Variants in ARHGAP24 observed in about 807,000 individuals in gnomAD.
ARHGAP24 encodes the protein Rho GTPase activating protein 24.
In ARHGAP24, 50 loss-of-function variants were observed where a neutral mutation model predicts 76.4. That is an observed-to-expected ratio of 0.65 (90% CI 0.52 to 0.83). The LOEUF (loss-of-function observed/expected upper bound fraction) is 0.83. Ranked by LOEUF, ARHGAP24 falls within the 40% of genes least tolerant of loss-of-function variation. ARHGAP24 has a pLI of 0.00. For missense variants in ARHGAP24, 930 were observed against 914.2 expected (o/e 1.02, Z -0.22); for synonymous variants, 345 against 323.3 (o/e 1.07, Z -0.72).
At position 85,587,443 on chromosome 4, in the gene ARHGAP24, A is replaced by G. The variant is rs545007800; in HGVS notation, c.180+16722A>G. Reference sequence around the variant, plus strand: ...CTTTTAAAAGAAAAAAGCATCATCTAGCAGATCACATGAATGTTGATTTTA... The same window carrying G: ...CTTTTAAAAGAAAAAAGCATCATCTGGCAGATCACATGAATGTTGATTTTA... On this transcript the variant is annotated intron_variant, in intron 2 of 9. Transcript: ENST00000395184. Among the ~76,000 whole-genome samples, 65 of 152,324 alleles carry G rather than the reference A, an allele frequency of 4.3e-4. 1 individual carries two copies. The South Asian group carries it at 0.012, about 28-fold the overall frequency.
At chr4:85,672,093 G>C (rs1336465920) in intron 2 of ARHGAP24, among the ~76,000 whole-genome samples, 1 of 152,144 alleles carries the variant, frequency 6.6e-6, no homozygotes, top group African/African-American at 2.4e-5. Context: ...TGCACACCAG[G>C]AGTCATTCTG....
In ARHGAP24 at chr4:85,509,565, T is replaced by C. The variant is rs1724197727; in HGVS notation, c.-21+34006T>C. On this transcript the variant is annotated intron_variant, in intron 1 of 9. Transcript: ENST00000395184. ...CACAGAAAGTTGAAATGATACCTAA[T>C]GAACCATTTGTCTCTAAGAACTCTT... is the stretch of plus-strand genomic sequence containing the variant. Among the ~76,000 whole-genome samples the C allele has an allele frequency of 2.6e-5, 4 of 152,172 alleles. No homozygotes were observed. In the South Asian group the frequency reaches 8.3e-4, roughly 31 times the overall value.
intron 3 of ARHGAP24, among the ~76,000 whole-genome samples, chr4:85,877,505 GT>G (rs1236376411): frequency 2.0e-5 from 2 of 99,298 alleles, no homozygotes; most frequent in African/African-American, 3.7e-5. Flanking sequence ...CACACTTGTA[GT>G]CCCAGCTACT....
At chr4:85,686,959 C>T (rs1470282237) in intron 2 of ARHGAP24, among the ~76,000 whole-genome samples, 1 of 151,898 alleles carries the variant, frequency 6.6e-6, no homozygotes, top group Non-Finnish European at 1.5e-5. Flanking sequence ...GTAATCTTAC[C>T]ATTAACTTCT....
chr4:85,707,611 TTAGAAA>T (rs1285284807), intron 2 of ARHGAP24, among the ~76,000 whole-genome samples: 13 of 152,132 alleles, frequency 8.5e-5, no homozygotes, highest in African/African-American at 2.9e-4. Context: ...TTATTTTTTG[TTAGAAA>T]TAGAAATAGT....
chr4:85,650,987 G>A (rs1578109204), intron 2 of ARHGAP24, among the ~76,000 whole-genome samples: 1 of 149,778 alleles, frequency 6.7e-6, no homozygotes, highest in East Asian at 1.9e-4. Flanking sequence ...TTCGGACAGA[G>A]TTTAGATTGG....
At chr4:85,628,079 C>T (rs1176662053) in intron 2 of ARHGAP24, among the ~76,000 whole-genome samples, 1 of 152,152 alleles carries the variant, frequency 6.6e-6, no homozygotes. Context: ...GCCGCACCCA[C>T]TTTCCTGCAC....
chr4:85,520,060 TA>T (rs1165741179), intron 1 of ARHGAP24, among the ~76,000 whole-genome samples: 3 of 152,210 alleles, frequency 2.0e-5, no homozygotes, highest in South Asian at 2.1e-4. Flanking sequence ...GTACACCTTT[TA>T]AAAAAATAAT....
Position 85,788,093 on chromosome 4 carries a change from G to A in ARHGAP24, c.268+66121G>A, listed in dbSNP as rs183289745. 3.4e-3 allele frequency among the ~76,000 whole-genome samples: 510 copies of A among 152,204 alleles called. 4 individuals carry two copies. The highest frequency in any genetic ancestry group is 0.012 in the African/African-American group (493 of 41,530). The stretch of plus-strand genomic sequence containing the variant: ...GCCCAAACGTAGCCACAGGGTCTGT[G>A]GACTTAAGCCTAGGAACACACAGGG... On this transcript the variant is annotated intron_variant, in intron 3 of 9. Transcript: ENST00000395184.
chr4:85,591,503 T>C (rs1002058325), intron 2 of ARHGAP24, among the ~76,000 whole-genome samples: 1 of 152,190 alleles, frequency 6.6e-6, no homozygotes, highest in Non-Finnish European at 1.5e-5. Flanking sequence ...AATAGCAAAG[T>C]GTAATACTGC....
At chr4:85,996,480 A>G (rs538587717) in intron 9 of ARHGAP24, among the ~76,000 whole-genome samples, 18 of 152,322 alleles carry the variant, frequency 1.2e-4, no homozygotes, top group African/African-American at 4.1e-4. Context: ...CCCTTCCTCC[A>G]TGGTGTGCTA....
At chr4:85,921,927 T>C (rs1251606617) in intron 3 of ARHGAP24, among the ~76,000 whole-genome samples, 2 of 151,992 alleles carry the variant, frequency 1.3e-5, no homozygotes, top group Non-Finnish European at 2.9e-5. Flanking sequence ...CACCACCCCA[T>C]TTGTGGAAAC....
chr4:85,748,106 T>G (rs1253828315), intron 3 of ARHGAP24, among the ~76,000 whole-genome samples: 3 of 152,228 alleles, frequency 2.0e-5, no homozygotes, highest in Non-Finnish European at 4.4e-5. Context: ...GCACTTGTCT[T>G]GCAAGTTTTT....
At chr4:85,610,822 G>A (rs988951422) in intron 2 of ARHGAP24, among the ~76,000 whole-genome samples, 45 of 152,008 alleles carry the variant, frequency 3.0e-4, no homozygotes, top group African/African-American at 1.0e-3. Context: ...AATTTTGGTG[G>A]CTCTTACATT....
intron 3 of ARHGAP24, among the ~76,000 whole-genome samples, chr4:85,879,781 T>C (rs561848672): frequency 6.6e-6 from 1 of 152,270 alleles, no homozygotes; most frequent in South Asian, 2.1e-4. Flanking sequence ...ATTTAATACA[T>C]ATTAGTGGTC....
chr4:85,745,599 A>T (rs1017701153), intron 3 of ARHGAP24, among the ~76,000 whole-genome samples: 1 of 150,324 alleles, frequency 6.7e-6, no homozygotes, highest in African/African-American at 2.4e-5. Context: ...TCTTAAAAAA[A>T]AAAAACTATA....
At chr4:85,864,844 A>G (rs968354782) in intron 3 of ARHGAP24, among the ~76,000 whole-genome samples, 12 of 152,100 alleles carry the variant, frequency 7.9e-5, no homozygotes, top group African/African-American at 2.7e-4. Flanking sequence ...TTTATGTGTT[A>G]GATAAATAGA....
chr4:85,956,720 G>A (rs1036079620), intron 5 of ARHGAP24, among the ~76,000 whole-genome samples: 1 of 152,184 alleles, frequency 6.6e-6, no homozygotes, highest in African/African-American at 2.4e-5. Flanking sequence ...AGCCCGATCG[G>A]GAGGGGCAAT....
At chr4:85,665,089 T>G (rs4693729) in intron 2 of ARHGAP24, among the ~76,000 whole-genome samples, 142,541 of 151,748 alleles carry the variant, frequency 0.94, 67,024 homozygotes, top group African/African-American at 0.98. Flanking sequence ...CTGTCTCGTT[T>G]TTCTGTCTAA....
Sources: allele counts gnomAD v4.1 joint callset (sites outside exome capture counted in the v4.1 genomes callset), GRCh38; gene constraint gnomAD v4.1.1; transcripts MANE v1.5; gene names NCBI Gene and HGNC (gene_info 2026-07-23, HGNC 2026-07-21).